Variants in KCNIP4 observed in about 807,000 individuals in gnomAD.
KCNIP4 encodes the protein potassium voltage-gated channel interacting protein 4.
Under a neutral mutation model 34.0 loss-of-function variants are expected in KCNIP4, and 12 were observed. That is an observed-to-expected ratio of 0.35 (90% confidence interval 0.23 to 0.57). The LOEUF (loss-of-function observed/expected upper bound fraction) is 0.57. Ranked by LOEUF, KCNIP4 falls within the 20% of genes least tolerant of loss-of-function variation. The pLI is 0.83. For synonymous variants in KCNIP4, 124 were observed against 102.2 expected (o/e 1.21, Z -1.29); for missense variants, 238 against 311.7 (o/e 0.76, Z 1.78).
Position 21,626,591 on chromosome 4 carries a change from C to G in KCNIP4, c.61+321980G>C, listed in dbSNP as rs139888223. Among the ~76,000 whole-genome samples, 8 of 151,880 alleles carry G rather than the reference C, an allele frequency of 5.3e-5. No individual in the cohort carries two copies. In the East Asian group the frequency reaches 1.2e-3, roughly 22 times the overall value. Reference sequence around the variant, plus strand: ...GGCCATGGTGTTTTGTTATGGCAGCCCAAGCAGACTAAGATAGTAATACTA... The same window carrying G: ...GGCCATGGTGTTTTGTTATGGCAGCGCAAGCAGACTAAGATAGTAATACTA... On this transcript the variant is annotated intron_variant, in intron 1 of 8. Coordinates refer to ENST00000382152, the MANE Select transcript of KCNIP4 (RefSeq NM_025221.6).
intron 5 of KCNIP4, among the ~76,000 whole-genome samples, chr4:20,737,572 G>A (rs1749947866): frequency 6.6e-6 from 1 of 152,152 alleles, no homozygotes; most frequent in South Asian, 2.1e-4. Flanking sequence ...TGCTTTGCAG[G>A]TGGGAAGATG....
chr4:21,116,547 C>T (rs1749693683), intron 1 of KCNIP4, among the ~76,000 whole-genome samples: 1 of 152,170 alleles, frequency 6.6e-6, no homozygotes, highest in Admixed American at 6.5e-5. Context: ...TTTATGCCTT[C>T]CGTTTTTTTC....
intron 1 of KCNIP4, among the ~76,000 whole-genome samples, chr4:21,923,026 G>T (rs1196722633): frequency 6.6e-6 from 1 of 152,140 alleles, no homozygotes; most frequent in Non-Finnish European, 1.5e-5. Flanking sequence ...AATGCACGGT[G>T]ACAGATTACA....
chr4:20,963,166 CAA>C (rs150883051), intron 1 of KCNIP4, among the ~76,000 whole-genome samples: 1 of 142,442 alleles, frequency 7.0e-6, no homozygotes, highest in Non-Finnish European at 1.5e-5. Flanking sequence ...ACTAAAAATA[CAA>C]AAAAAAAAAT....
intron 1 of KCNIP4, among the ~76,000 whole-genome samples, chr4:21,368,422 T>G (rs1463517462): frequency 6.8e-6 from 1 of 147,328 alleles, no homozygotes; most frequent in Non-Finnish European, 1.5e-5. Flanking sequence ...CCCCCCAAAA[T>G]AGCTAAAATG....
chr4:21,929,563 T>A (rs910273763), intron 1 of KCNIP4, among the ~76,000 whole-genome samples: 2 of 152,140 alleles, frequency 1.3e-5, no homozygotes, highest in Admixed American at 1.3e-4. Flanking sequence ...ACTGTTCTAA[T>A]GAGGCCAATG....
rs1250451731 is a variant in KCNIP4 at position 21,840,953 on chromosome 4, C to T, written c.61+107618G>A. 3.3e-5 allele frequency among the ~76,000 whole-genome samples: 5 copies of T among 152,158 alleles called. No homozygotes were observed. In the East Asian group the frequency reaches 9.6e-4, roughly 29 times the overall value. On this transcript the variant is annotated intron_variant, in intron 1 of 8. Coordinates refer to ENST00000382152, the MANE Select transcript of KCNIP4 (RefSeq NM_025221.6). ...ATTGCTGACAACCAAATTAAACTAACTTATATCATGGGGATATTTTCCTAA... is the reference window on the plus strand; with the variant it reads ...ATTGCTGACAACCAAATTAAACTAATTTATATCATGGGGATATTTTCCTAA...
At chr4:21,001,446 T>C (rs1325125691) in intron 1 of KCNIP4, among the ~76,000 whole-genome samples, 29 of 152,192 alleles carry the variant, frequency 1.9e-4, no homozygotes, top group Admixed American at 1.9e-3. Flanking sequence ...TAAGATGGAT[T>C]TGGCCAGTTC....
rs114785626 is a variant in KCNIP4, at chr4:21,572,111, C to T, written c.61+376460G>A. On this transcript the variant is annotated intron_variant, in intron 1 of 8. Transcript: ENST00000382152. ...AATGCTCTACTTCACATCCTGATTG[C>T]TGGGGATTCCATTTGAAATAGCCAG... Among the ~76,000 whole-genome samples the T allele has an allele frequency of 8.3e-3, 1,267 of 152,234 alleles. 20 individuals are homozygous for T. The highest frequency in any genetic ancestry group is 0.029 in the African/African-American group (1,184 of 41,526).
intron 1 of KCNIP4, among the ~76,000 whole-genome samples, chr4:21,007,753 C>A (rs1392067507): frequency 6.6e-6 from 1 of 152,160 alleles, no homozygotes; most frequent in Non-Finnish European, 1.5e-5. Context: ...CAAAGGGAAG[C>A]CCTGATTTTG....
chr4:21,317,251 T>G (rs1316856051), intron 1 of KCNIP4, among the ~76,000 whole-genome samples: 1 of 152,182 alleles, frequency 6.6e-6, no homozygotes, highest in African/African-American at 2.4e-5. Flanking sequence ...CTTTTCATAT[T>G]TTAAATCCTT....
intron 1 of KCNIP4, among the ~76,000 whole-genome samples, chr4:21,384,221 T>A (rs1721806561): frequency 1.3e-5 from 2 of 152,190 alleles, no homozygotes; most frequent in African/African-American, 4.8e-5. Context: ...CCATCATTTA[T>A]TTTTTATGTT....
At chr4:20,954,458 G>A (rs986768237) in intron 1 of KCNIP4, among the ~76,000 whole-genome samples, 3 of 152,240 alleles carry the variant, frequency 2.0e-5, no homozygotes, top group African/African-American at 7.2e-5. Context: ...ACTCTGCAGG[G>A]TGTAGAGATG....
intron 2 of KCNIP4, among the ~76,000 whole-genome samples, chr4:20,878,693 G>T (rs550541268): frequency 2.6e-5 from 4 of 152,260 alleles, no homozygotes; most frequent in Admixed American, 6.5e-5. Flanking sequence ...GAAATTAAGA[G>T]GTGGAGAATT....
intron 1 of KCNIP4, among the ~76,000 whole-genome samples, chr4:21,541,655 C>A (rs1737703921): frequency 6.6e-6 from 1 of 152,016 alleles, no homozygotes; most frequent in Admixed American, 6.6e-5. Context: ...CTTTTCTTTT[C>A]TTTTCAAGAC....
At chr4:21,579,781 T>C (rs1741067216) in intron 1 of KCNIP4, among the ~76,000 whole-genome samples, 1 of 152,186 alleles carries the variant, frequency 6.6e-6, no homozygotes, top group South Asian at 2.1e-4. Flanking sequence ...CCTTTTAGCA[T>C]AGAGATAAAA....
At chr4:21,358,739 C>G (rs937563633) in intron 1 of KCNIP4, among the ~76,000 whole-genome samples, 9 of 152,148 alleles carry the variant, frequency 5.9e-5, no homozygotes, top group Non-Finnish European at 1.3e-4. Flanking sequence ...ACCTCTCTTT[C>G]TATTCAAAGT....
intron 1 of KCNIP4, among the ~76,000 whole-genome samples, chr4:20,934,308 G>T (rs535277893): frequency 4.7e-4 from 72 of 152,130 alleles, no homozygotes; most frequent in African/African-American, 1.6e-3. Flanking sequence ...ATGTCATGTA[G>T]CATGGTGGCC....
At chr4:21,081,925 G>A (rs1462664061) in intron 1 of KCNIP4, among the ~76,000 whole-genome samples, 1 of 151,684 alleles carries the variant, frequency 6.6e-6, no homozygotes, top group Non-Finnish European at 1.5e-5. Context: ...TTTTCAGCTT[G>A]CAAACTTCAA....
Sources: allele counts gnomAD v4.1 joint callset (sites outside exome capture counted in the v4.1 genomes callset), GRCh38; gene constraint gnomAD v4.1.1; transcripts MANE v1.5; gene names NCBI Gene and HGNC (gene_info 2026-07-23, HGNC 2026-07-21).